LGR5: variants seen among roughly 807,000 people sequenced by gnomAD.
The protein encoded by LGR5 is leucine rich repeat containing G protein-coupled receptor 5.
In LGR5, 54 loss-of-function variants were observed where a neutral mutation model predicts 76.7. The ratio of observed to expected loss-of-function variants is 0.70; its 90% CI spans 0.57 to 0.88. LGR5 has a LOEUF of 0.88. Ranked by LOEUF, LGR5 falls within the 40% of genes least tolerant of loss-of-function variation. The pLI is 0.00. For synonymous variants in LGR5, 406 were observed against 421.9 expected (o/e 0.96, Z 0.46); for missense variants, 1,078 against 1,073.3 (o/e 1.00, Z -0.06).
intron 1 of LGR5, among the ~76,000 whole-genome samples, chr12:71,446,337 T>C (rs1030200302): frequency 7.9e-5 from 12 of 152,350 alleles, no homozygotes; most frequent in Middle Eastern, 3.4e-3. Context: ...ATGATTTACA[T>C]GTATAAATTA....
chr12:71,574,523 C>A (rs1473152630), intron 13 of LGR5, among the ~76,000 whole-genome samples: 1 of 152,052 alleles, frequency 6.6e-6, no homozygotes, highest in Non-Finnish European at 1.5e-5. Flanking sequence ...CCCAACCAGT[C>A]CTTCTATCAT....
chr12:71,475,446 C>T (rs570184507), intron 1 of LGR5, among the ~76,000 whole-genome samples: 4 of 152,286 alleles, frequency 2.6e-5, no homozygotes, highest in South Asian at 2.1e-4. Context: ...AACTTCTCAA[C>T]GTGACATATG....
intron 1 of LGR5, among the ~76,000 whole-genome samples, chr12:71,463,907 CCTGA>C (rs1234815080): frequency 6.6e-6 from 1 of 151,842 alleles, no homozygotes; most frequent in Non-Finnish European, 1.5e-5. Context: ...CTTGATCCTG[CCTGA>C]CTTTTAAACC....
At chr12:71,525,980 ATGTT>A (rs947450239) in intron 3 of LGR5, among the ~76,000 whole-genome samples, 3 of 152,008 alleles carry the variant, frequency 2.0e-5, no homozygotes, top group Non-Finnish European at 2.9e-5. Flanking sequence ...TTACTAGAGA[ATGTT>A]TGTTTCCCAC....
chr12:71,562,952 C>A (rs1368874299), intron 8 of LGR5, among the ~76,000 whole-genome samples: 1 of 152,148 alleles, frequency 6.6e-6, no homozygotes, highest in African/African-American at 2.4e-5. Flanking sequence ...AATATTTTGG[C>A]AAACTAAGAG....
At chr12:71,459,091 A>G (rs1280832564) in intron 1 of LGR5, among the ~76,000 whole-genome samples, 4 of 152,072 alleles carry the variant, frequency 2.6e-5, no homozygotes, top group Non-Finnish European at 5.9e-5. Context: ...AGCATGACCT[A>G]GTAAGACCAG....
At chr12:71,448,138 C>G (rs898207055) in intron 1 of LGR5, among the ~76,000 whole-genome samples, 1 of 150,350 alleles carries the variant, frequency 6.7e-6, no homozygotes, top group Admixed American at 6.6e-5. Context: ...ACCTTACATG[C>G]GTGCCTTCTT....
chr12:71,457,551 A>G lies in LGR5; in HGVS notation c.212+17259A>G, dbSNP rs147612012. Among the ~76,000 whole-genome samples the G allele has an allele frequency of 1.4e-3, 206 of 152,278 alleles. 1 individual carries two copies. Among genetic ancestry groups the G allele is most frequent in the African/African-American group, 4.8e-3 (199 of 41,558 alleles). ...TTCATTCAAAATAGGATACTGACAC[A>G]GAAGAGAAACTCCAGCTAAAGATAG... is the stretch of plus-strand genomic sequence containing the variant. On this transcript the variant is annotated intron_variant, in intron 1 of 17. Coordinates refer to ENST00000266674, the MANE Select transcript of LGR5 (RefSeq NM_003667.4).
At position 71,535,170 on chromosome 12, in the gene LGR5, C is replaced by A. The variant is rs369874020; in HGVS notation, c.412C>A (p.Arg138=). ...HVPTEALQNL[R]SLQSLRLDAN... Reference sequence around the variant, plus strand: ...ACCCACAGAAGCTCTGCAGAATTTGCGAAGCCTTCAATCCCTGTAAGTATA... The same window carrying A: ...ACCCACAGAAGCTCTGCAGAATTTGAGAAGCCTTCAATCCCTGTAAGTATA... The change falls in exon 4 of 18, where the codon CGA becomes AGA. Residue 138 remains arginine (R), a synonymous_variant. Transcript: ENST00000266674. 1 of 1,607,380 alleles carries A rather than the reference C, an allele frequency of 6.2e-7. No individual in the cohort carries two copies. The highest frequency in any genetic ancestry group is 8.5e-7 in the Non-Finnish European group (1 of 1,174,450).
At chr12:71,561,702 C>A in intron 7 of LGR5, 79 bp from the exon 8 acceptor site, 1 of 684,718 alleles carries the variant, frequency 1.5e-6, no homozygotes, top group Non-Finnish European at 2.4e-6. Context: ...TGATTATTGC[C>A]ACTGTGGTCA....
intron 4 of LGR5, among the ~76,000 whole-genome samples, chr12:71,545,216 C>T (rs562241409): frequency 4.6e-5 from 7 of 152,212 alleles, no homozygotes; most frequent in South Asian, 2.1e-4. Context: ...GAGGCCAAGG[C>T]GGGAGGATCA....
chr12:71,473,903 G>C (rs1237162456), intron 1 of LGR5, among the ~76,000 whole-genome samples: 1 of 152,022 alleles, frequency 6.6e-6, no homozygotes, highest in Non-Finnish European at 1.5e-5. Flanking sequence ...ACAACACCTC[G>C]CTTTCCCAGA....
rs747695110 is a variant in LGR5, at chr12:71,584,236, T to C, written c.2226T>C (p.Ile742=). 6.2e-7 allele frequency: 1 copy of C among 1,614,136 alleles called. No individual in the cohort carries two copies. The highest frequency in any genetic ancestry group is 8.5e-7 in the Non-Finnish European group (1 of 1,180,012). ...CCCTTTGCTTCCTCATGATGACCAT[T>C]GCCTACACCAAGCTCTACTGCAATT... The part of the protein sequence containing the change: ...LNSLCFLMMT[I]AYTKLYCNLD... Residue 742 remains isoleucine, a synonymous_variant, in exon 18 of 18, where the codon ATT becomes ATC. Coordinates refer to ENST00000266674, the MANE Select transcript of LGR5 (RefSeq NM_003667.4).
At chr12:71,501,092 A>G (rs1874577508) in intron 1 of LGR5, among the ~76,000 whole-genome samples, 1 of 152,238 alleles carries the variant, frequency 6.6e-6, no homozygotes, top group African/African-American at 2.4e-5. Context: ...TTAAAAAAAC[A>G]GAGCATTTTA....
Position 71,536,889 on chromosome 12 carries a change from T to TG in LGR5, c.428+1704dup, listed in dbSNP as rs1401760099. 2.0e-5 allele frequency among the ~76,000 whole-genome samples: 3 copies of TG among 152,238 alleles called. No homozygotes were observed. In the East Asian group the frequency reaches 5.8e-4, roughly 29 times the overall value. ...TGTCTCTACATTTGGTTTCTGGTTTTGCAAAAAGAATAACATTTTGAAACT... is the reference window on the plus strand; with the variant it reads ...TGTCTCTACATTTGGTTTCTGGTTTTGGCAAAAAGAATAACATTTTGAAACT... On this transcript the variant is annotated intron_variant, in intron 4 of 17. Transcript: ENST00000266674.
chr12:71,495,820 A>G (rs1288873944), intron 1 of LGR5, among the ~76,000 whole-genome samples: 1 of 151,232 alleles, frequency 6.6e-6, no homozygotes, highest in Admixed American at 6.6e-5. Context: ...AGAAAATGAG[A>G]GTAATATTAG....
chr12:71,525,406 C>CT (rs58322918), intron 3 of LGR5, among the ~76,000 whole-genome samples: 24,176 of 145,206 alleles, frequency 0.17, 2,065 homozygotes, highest in Middle Eastern at 0.25. Flanking sequence ...TCTTTTCTTT[C>CT]TTTTTTTTTT....
intron 6 of LGR5, 21 bp from the exon 7 acceptor site, chr12:71,559,565 A>G: frequency 7.4e-7 from 1 of 1,359,908 alleles, no homozygotes; most frequent in Non-Finnish European, 1.1e-6. Flanking sequence ...AAAACTGAAA[A>G]TACTATGTAC....
In LGR5 at chr12:71,584,675, G is replaced by C; in HGVS notation, c.2665G>C (p.Ala889Pro). ...GCCTCCCAGTTCCGTGCCATCACCAGCTTATCCAGTGACTGAGAGCTGCCA... is the reference window on the plus strand; with the variant it reads ...GCCTCCCAGTTCCGTGCCATCACCACCTTATCCAGTGACTGAGAGCTGCCA... Reference protein sequence around the residue: ...DLPPSSVPSPAYPVTESCHLS... With the variant: ...DLPPSSVPSPPYPVTESCHLS... Residue 889 changes from alanine (A) to proline (P), a missense_variant, in exon 18 of 18, where the codon GCT (alanine) becomes CCT (proline). By Grantham distance (27) the Ala-to-Pro change is conservative (BLOSUM62 -1). Coordinates refer to ENST00000266674, the MANE Select transcript of LGR5 (RefSeq NM_003667.4). The C allele has an allele frequency of 6.2e-7, 1 of 1,614,062 alleles. No individual in the cohort carries two copies. The highest frequency in any genetic ancestry group is 1.1e-5 in the South Asian group (1 of 91,078).
Sources: allele counts gnomAD v4.1 joint callset (sites outside exome capture counted in the v4.1 genomes callset), GRCh38; gene constraint gnomAD v4.1.1; transcripts MANE v1.5; gene names NCBI Gene and HGNC (gene_info 2026-07-23, HGNC 2026-07-21).